Variants in CLYBL observed in about 807,000 individuals in gnomAD.
CLYBL encodes citramalyl-CoA lyase, also known as citramalyl-CoA lyase, mitochondrial.
Under a neutral mutation model 38.9 loss-of-function variants are expected in CLYBL, and 31 were observed. The observed-to-expected ratio is 0.80, with a 90% CI of 0.60 to 1.08. The LOEUF is 1.08. Among genes scored for constraint, CLYBL ranks in the 50% least tolerant of loss-of-function variants. The pLI is 0.00. For synonymous variants in CLYBL, 171 were observed against 158.6 expected, an observed-to-expected ratio of 1.08 and a Z score of -0.59; for missense variants, 434 against 411.6, an observed-to-expected ratio of 1.05 and a Z score of -0.47.
intron 7 of CLYBL, among the ~76,000 whole-genome samples, chr13:99,873,995 G>A (rs2051974240): frequency 6.6e-6 from 1 of 152,198 alleles, no homozygotes; most frequent in African/African-American, 2.4e-5. Context: ...ATCTGTCCCT[G>A]TTTGGCAGGC....
intron 1 of CLYBL, among the ~76,000 whole-genome samples, chr13:99,761,746 C>A (rs1292217434): frequency 3.9e-5 from 6 of 152,198 alleles, no homozygotes; most frequent in Non-Finnish European, 8.8e-5. Flanking sequence ...AACCTCAATA[C>A]TGTTCTCCAT....
chr13:99,838,807 TTGTG>T (rs68111038), intron 2 of CLYBL, among the ~76,000 whole-genome samples: 96,926 of 151,324 alleles, frequency 0.64, 31,510 homozygotes, highest in African/African-American at 0.74. Flanking sequence ...GGCTAATTTT[TTGTG>T]TGTGTTTTTA....
intron 1 of CLYBL, among the ~76,000 whole-genome samples, chr13:99,615,580 A>C (rs183710134): frequency 1.6e-4 from 25 of 152,334 alleles, no homozygotes; most frequent in Admixed American, 7.8e-4. Flanking sequence ...GGCAATAAAT[A>C]AGAAATCAAG....
At chr13:99,887,951 G>T (rs548872401) in intron 7 of CLYBL, among the ~76,000 whole-genome samples, 120 of 152,036 alleles carry the variant, frequency 7.9e-4, no homozygotes, top group Non-Finnish European at 1.5e-3. Flanking sequence ...TGCTTCCCAA[G>T]TTCAAGCAAT....
intron 1 of CLYBL, among the ~76,000 whole-genome samples, chr13:99,770,072 TTTTC>T (rs201006635): frequency 9.0e-5 from 12 of 133,350 alleles, no homozygotes; most frequent in East Asian, 2.1e-4. Flanking sequence ...TTTCTTTTTC[TTTTC>T]TTTCTTTTTT....
At chr13:99,700,443 TCAAAACAAAA>T (rs1019081500) in intron 1 of CLYBL, among the ~76,000 whole-genome samples, 2 of 152,054 alleles carry the variant, frequency 1.3e-5, no homozygotes, top group Non-Finnish European at 2.9e-5. Flanking sequence ...AAACTCCATC[TCAAAACAAAA>T]CAAAACAAAA....
chr13:99,716,400 T>G (rs141470154), intron 1 of CLYBL, among the ~76,000 whole-genome samples: 176 of 95,082 alleles, frequency 1.9e-3, no homozygotes, highest in Non-Finnish European at 2.8e-3. Flanking sequence ...CTTTTCTTTT[T>G]TTTTTTTTTA....
intron 1 of CLYBL, among the ~76,000 whole-genome samples, chr13:99,770,081 T>A (rs1207120009): frequency 2.5e-5 from 1 of 39,246 alleles, no homozygotes; most frequent in African/African-American, 5.3e-5. Flanking sequence ...CTTTTCTTTC[T>A]TTTTTTTTTT....
intron 2 of CLYBL, among the ~76,000 whole-genome samples, chr13:99,843,944 C>A (rs1339357218): frequency 6.6e-6 from 1 of 152,184 alleles, no homozygotes; most frequent in Admixed American, 6.5e-5. Context: ...CCTATCCATG[C>A]AATAGAATAC....
intron 1 of CLYBL, among the ~76,000 whole-genome samples, chr13:99,617,634 C>A (rs35342610): frequency 0.49 from 61,030 of 125,788 alleles, 12,863 homozygotes; most frequent in East Asian, 0.77. Flanking sequence ...CCCTCACGAA[C>A]GCCTTTCAGA....
At chr13:99,809,277 A>G (rs1409953423) in intron 2 of CLYBL, among the ~76,000 whole-genome samples, 1 of 152,190 alleles carries the variant, frequency 6.6e-6, no homozygotes, top group East Asian at 1.9e-4. Context: ...TATCTACACA[A>G]GGGGTGTTCA....
At chr13:99,720,198 G>C (rs1164904180) in intron 1 of CLYBL, among the ~76,000 whole-genome samples, 1 of 150,672 alleles carries the variant, frequency 6.6e-6, no homozygotes, top group South Asian at 2.1e-4. Flanking sequence ...TTTTCTTTTG[G>C]TGATTACATT....
At chr13:99,733,910 C>T (rs563675287) in intron 1 of CLYBL, among the ~76,000 whole-genome samples, 36 of 152,304 alleles carry the variant, frequency 2.4e-4, no homozygotes, top group African/African-American at 7.9e-4. Flanking sequence ...AATCTTTCAC[C>T]AGATGTTGTC....
chr13:99,785,938 A>G (rs2049782323), intron 2 of CLYBL, among the ~76,000 whole-genome samples: 1 of 151,740 alleles, frequency 6.6e-6, no homozygotes, highest in Non-Finnish European at 1.5e-5. Context: ...TTCAGGCATG[A>G]TATATTGACT....
intron 2 of CLYBL, among the ~76,000 whole-genome samples, chr13:99,855,200 C>A (rs1053783443): frequency 9.2e-5 from 14 of 152,206 alleles, no homozygotes; most frequent in Non-Finnish European, 1.6e-4. Flanking sequence ...GAATGGCTCA[C>A]CAAGGCTGTC....
chr13:99,879,163 G>A (rs143685419), intron 7 of CLYBL, among the ~76,000 whole-genome samples: 50 of 152,136 alleles, frequency 3.3e-4, no homozygotes, highest in African/African-American at 1.2e-3. Flanking sequence ...TTGCACCCCC[G>A]ACTTCCTGGA....
intron 1 of CLYBL, chr13:99,727,322 T>C (rs1191467098): frequency 1.3e-5 from 2 of 152,114 alleles, no homozygotes; most frequent in African/African-American, 4.8e-5. Flanking sequence ...TTCCACAGAA[T>C]TGGCGTGGTA....
intron 1 of CLYBL, among the ~76,000 whole-genome samples, chr13:99,615,295 A>AT (rs1180811698): frequency 6.6e-6 from 1 of 152,222 alleles, no homozygotes; most frequent in African/African-American, 2.4e-5. Flanking sequence ...AGAAGTTGCC[A>AT]TTTTATGCGG....
intron 1 of CLYBL, among the ~76,000 whole-genome samples, chr13:99,649,601 C>T (rs571804572): frequency 1.2e-4 from 18 of 152,322 alleles, no homozygotes; most frequent in African/African-American, 4.3e-4. Context: ...CGCTGTGGCT[C>T]ACGCCTGTAA....
Sources: allele counts gnomAD v4.1 joint callset (sites outside exome capture counted in the v4.1 genomes callset), GRCh38; gene constraint gnomAD v4.1.1; transcripts MANE v1.5; gene names NCBI Gene and HGNC (gene_info 2026-07-23, HGNC 2026-07-21).